Variants in NEK1 observed in about 807,000 individuals in gnomAD.
The protein encoded by NEK1 is NIMA related kinase 1, also known as serine/threonine-protein kinase Nek1.
Under a neutral mutation model 182.1 loss-of-function variants are expected in NEK1, and 137 were observed. That is an observed-to-expected ratio of 0.75 (90% CI 0.65 to 0.87). The LOEUF (loss-of-function observed/expected upper bound fraction) is 0.87, where lower values mean the gene tolerates loss of function less well. Ranked by LOEUF, NEK1 falls within the 40% of genes least tolerant of loss-of-function variation. The probability of loss-of-function intolerance (pLI) is 0.00; values close to 1 mark genes in which losing one functional copy is unlikely to be tolerated. For missense variants in NEK1, 1,391 were observed against 1,494.4 expected, an observed-to-expected ratio of 0.93 and a Z score of 1.14; for synonymous variants, 513 against 492.2, an observed-to-expected ratio of 1.04 and a Z score of -0.56.
At chr4:169,492,728 A>G (rs1210557606) in intron 23 of NEK1, among the ~76,000 whole-genome samples, 1 of 152,174 alleles carries the variant, frequency 6.6e-6, no homozygotes, top group Non-Finnish European at 1.5e-5. Context: ...CATACTACAC[A>G]ACCTACTCTG....
At chr4:169,523,786 T>A (rs1756469993) in intron 19 of NEK1, among the ~76,000 whole-genome samples, 1 of 152,202 alleles carries the variant, frequency 6.6e-6, no homozygotes, top group Admixed American at 6.5e-5. Context: ...CTATCTCCCT[T>A]TACTGCTTAT....
intron 29 of NEK1, among the ~76,000 whole-genome samples, chr4:169,431,169 T>C (rs1481601118): frequency 1.3e-5 from 2 of 152,022 alleles, no homozygotes; most frequent in Non-Finnish European, 2.9e-5. Flanking sequence ...CCAATGCAGA[T>C]TGGGAAAATA....
intron 12 of NEK1, among the ~76,000 whole-genome samples, chr4:169,575,527 G>T (rs1425259333): frequency 3.3e-5 from 5 of 152,178 alleles, no homozygotes; most frequent in African/African-American, 1.2e-4. Context: ...AGCAGCACCT[G>T]CAAGAAGAGC....
At chr4:169,479,285 AT>A (rs1747544235) in intron 24 of NEK1, 117 bp downstream of exon 24, 1 of 1,070,078 alleles carries the variant, frequency 9.3e-7, no homozygotes, top group Non-Finnish European at 1.3e-6. Context: ...TTAAAAAGTA[AT>A]TTTTTTCCTT....
chr4:169,580,131 T>C (rs1292625243), intron 11 of NEK1, among the ~76,000 whole-genome samples: 1 of 152,188 alleles, frequency 6.6e-6, no homozygotes, highest in Non-Finnish European at 1.5e-5. Context: ...AAAGAAAACC[T>C]ATCTTTAATG....
rs769305123 is a variant in NEK1, at chr4:169,537,789, GAAAC to G, written c.1665+16_1665+19del. The G allele has an allele frequency of 1.2e-5, 19 of 1,589,534 alleles. No homozygotes were observed. In the Admixed American group the frequency reaches 1.7e-4, roughly 14 times the overall value. ...GAATACTAATACATTCAAAATCTCAGAAACAAACAAAATTCATACCATATGTCCT... is the reference window on the plus strand; with the variant it reads ...GAATACTAATACATTCAAAATCTCAGAAACAAAATTCATACCATATGTCCT... On this transcript the variant is annotated intron_variant, in intron 19 of 35. Transcript: ENST00000507142.
At chr4:169,570,050 C>T (rs1320449091) in intron 12 of NEK1, among the ~76,000 whole-genome samples, 32 of 144,514 alleles carry the variant, frequency 2.2e-4, no homozygotes, top group Admixed American at 4.1e-4. Flanking sequence ...AAGTGAGGAG[C>T]GCCTCTTCCC....
At chr4:169,406,912 T>C (rs1732740337) in intron 31 of NEK1, among the ~76,000 whole-genome samples, 165 bp from the exon 32 acceptor site, 1 of 151,158 alleles carries the variant, frequency 6.6e-6, no homozygotes, top group South Asian at 2.1e-4. Context: ...AAAAAATATA[T>C]ATATATATTT....
chr4:169,589,791 T>C (rs920890152), intron 6 of NEK1, among the ~76,000 whole-genome samples: 1 of 152,096 alleles, frequency 6.6e-6, no homozygotes, highest in Admixed American at 6.6e-5. Context: ...AATGGTTTCT[T>C]AGATATGACG....
At chr4:169,445,424 A>G (rs146931602) in intron 27 of NEK1, among the ~76,000 whole-genome samples, 1 of 152,296 alleles carries the variant, frequency 6.6e-6, no homozygotes, top group East Asian at 1.9e-4. Context: ...GACCCTGTTT[A>G]TAAAAAAAAG....
intron 18 of NEK1, among the ~76,000 whole-genome samples, chr4:169,541,249 T>C (rs1462277011): frequency 6.6e-6 from 1 of 152,096 alleles, no homozygotes; most frequent in East Asian, 1.9e-4. Flanking sequence ...GTTAGTTTTA[T>C]CCAAATTAAA....
intron 26 of NEK1, among the ~76,000 whole-genome samples, chr4:169,476,488 C>G (rs1293033817): frequency 6.6e-6 from 1 of 151,764 alleles, no homozygotes; most frequent in East Asian, 1.9e-4. Context: ...AATAAATAAG[C>G]AAAATAAATG....
At chr4:169,470,552 T>C (rs941175324) in intron 26 of NEK1, among the ~76,000 whole-genome samples, 5 of 152,206 alleles carry the variant, frequency 3.3e-5, no homozygotes, top group South Asian at 4.1e-4. Context: ...GCCCTTAACA[T>C]TTTTTCCTTC....
At chr4:169,602,432 T>G (rs1770656950) in intron 3 of NEK1, 82 bp downstream of exon 3, 2 of 799,454 alleles carry the variant, frequency 2.5e-6, no homozygotes, top group African/African-American at 3.5e-5. Flanking sequence ...TTACTTTTTT[T>G]TTTTTTTAAA....
In NEK1 at chr4:169,500,428, C is replaced by A. The variant is rs1008380190; in HGVS notation, c.2007+6609G>T. Among the ~76,000 whole-genome samples the A allele has an allele frequency of 2.4e-4, 36 of 152,234 alleles. 1 individual carries two copies. The highest frequency in any genetic ancestry group is 1.1e-3 in the Admixed American group (17 of 15,284). On this transcript the variant is annotated intron_variant, in intron 23 of 35. Transcript: ENST00000507142. ...TGTCCTGCACCCACTGTCTGACACT[C>A]CCCAGTGAGACGAACCCAGTACCTC...
Position 169,406,767 on chromosome 4 carries a change from AT to A in NEK1, c.3223-21del, listed in dbSNP as rs776285019. ...TAACATCTAAAATAAAAATCAACAA[AT>A]TTCTTATTAGGAGAAAGATAATTAA... On this transcript the variant is annotated intron_variant, in intron 31 of 35. Transcript: ENST00000507142. The A allele has an allele frequency of 8.4e-6, 13 of 1,552,892 alleles. No homozygotes were observed. Among genetic ancestry groups the A allele is most frequent in the Non-Finnish European group, 1.1e-5 (13 of 1,150,094 alleles).
chr4:169,445,849 C>CATATATAT (rs70964204), intron 27 of NEK1, among the ~76,000 whole-genome samples: 1,690 of 140,124 alleles, frequency 0.012, 57 homozygotes, highest in African/African-American at 0.046. Flanking sequence ...CAACTATATA[C>CATATATAT]ATATATATAT....
intron 23 of NEK1, 123 bp downstream of exon 23, chr4:169,506,914 G>T (rs764052305): frequency 3.9e-6 from 2 of 518,354 alleles, no homozygotes; most frequent in Non-Finnish European, 6.5e-6. Context: ...GGGTGAGAGA[G>T]AGAATGAGAA....
intron 27 of NEK1, among the ~76,000 whole-genome samples, chr4:169,453,608 T>G (rs973382754): frequency 6.6e-6 from 1 of 152,256 alleles, no homozygotes; most frequent in African/African-American, 2.4e-5. Flanking sequence ...AAAGGCATTC[T>G]TAAGCCACAA....
Sources: allele counts gnomAD v4.1 joint callset (sites outside exome capture counted in the v4.1 genomes callset), GRCh38; gene constraint gnomAD v4.1.1; transcripts MANE v1.5; gene names NCBI Gene and HGNC (gene_info 2026-07-23, HGNC 2026-07-21).